Variants in DHX15 observed in about 807,000 individuals in gnomAD.
DHX15 encodes ATP-dependent RNA helicase DHX15.
DHX15 carries 11 observed loss-of-function variants against 94.4 expected under a neutral mutation model. That is an observed-to-expected ratio of 0.12 (90% CI 0.07 to 0.19). The LOEUF is 0.19. Ranked by LOEUF, DHX15 falls within the 10% of genes least tolerant of loss-of-function variation. The pLI, the probability that DHX15 is intolerant of heterozygous loss-of-function variation, is 1.00. For missense variants in DHX15, 304 were observed against 988.5 expected (o/e 0.31, Z 9.29); for synonymous variants, 338 against 329.9 (o/e 1.02, Z -0.27).
chr4:24,584,253 C>A, intron 1 of DHX15, 70 bp downstream of exon 1: 1 of 1,490,682 alleles, frequency 6.7e-7, no homozygotes, highest in East Asian at 2.5e-5. Context: ...GCCAGGCCAG[C>A]CCCGGCCCGC....
chr4:24,531,898 A>T (rs1721092463), intron 12 of DHX15, among the ~76,000 whole-genome samples: 1 of 152,238 alleles, frequency 6.6e-6, no homozygotes, highest in East Asian at 1.9e-4. Flanking sequence ...ACTTAGATTC[A>T]AATACAGACA....
chr4:24,578,815 C>T (rs2109012804), intron 1 of DHX15, among the ~76,000 whole-genome samples: 1 of 152,288 alleles, frequency 6.6e-6, no homozygotes, highest in East Asian at 1.9e-4. Flanking sequence ...TCTCTTGCTT[C>T]AGCCTCCCAA....
At chr4:24,547,893 G>GTATATATATA (rs1403248233) in intron 6 of DHX15, among the ~76,000 whole-genome samples, 2 of 66,734 alleles carry the variant, frequency 3.0e-5, no homozygotes, top group Non-Finnish European at 6.6e-5. Flanking sequence ...CTCTCTCTAT[G>GTATATATATA]TATGTATGTG....
chr4:24,564,188 C>T (rs946876899), intron 3 of DHX15, among the ~76,000 whole-genome samples: 1 of 151,902 alleles, frequency 6.6e-6, no homozygotes, highest in Non-Finnish European at 1.5e-5. Flanking sequence ...CATTAACACA[C>T]TTAATAAATA....
chr4:24,574,205 C>CAAAAAAGAAAAA (rs1722189442), intron 2 of DHX15, among the ~76,000 whole-genome samples: 2 of 68,876 alleles, frequency 2.9e-5, no homozygotes, highest in African/African-American at 5.5e-5. Context: ...GACTTTGTCT[C>CAAAAAAGAAAAA]AAAAAAAAAA....
intron 3 of DHX15, among the ~76,000 whole-genome samples, chr4:24,557,302 G>C (rs1484007730): frequency 6.6e-6 from 1 of 152,160 alleles, no homozygotes; most frequent in Non-Finnish European, 1.5e-5. Flanking sequence ...GCCTTTAGAT[G>C]CTTAAGTCAC....
intron 6 of DHX15, among the ~76,000 whole-genome samples, chr4:24,547,861 GTCTCTCTCTCTCTCTCTC>G (rs36229958): frequency 3.2e-5 from 4 of 126,550 alleles, no homozygotes; most frequent in African/African-American, 9.1e-5. Context: ...AGACATATAT[GTCTCTCTCTCTCTCTCTC>G]TCTCTCTCTC....
At chr4:24,541,786 A>G (rs1342529875) in intron 8 of DHX15, 87 bp downstream of exon 8, 1 of 1,343,356 alleles carries the variant, frequency 7.4e-7, no homozygotes, top group Non-Finnish European at 1.0e-6. Flanking sequence ...AAAAGGCAAG[A>G]TTAAGTAAAT....
chr4:24,573,300 GTCT>G (rs1423807569), intron 2 of DHX15, among the ~76,000 whole-genome samples: 1 of 152,104 alleles, frequency 6.6e-6, no homozygotes, highest in Non-Finnish European at 1.5e-5. Flanking sequence ...CGGTGTTCTA[GTCT>G]TCTTGTTTTA....
chr4:24,584,425 G>T lies in DHX15; in HGVS notation c.-32C>A, dbSNP rs1166573384. 6.2e-7 allele frequency: 1 copy of T among 1,602,962 alleles called. No individual in the cohort carries two copies. Among genetic ancestry groups the T allele is most frequent in the South Asian group, 1.1e-5 (1 of 89,244 alleles). On this transcript the variant is annotated 5_prime_UTR_variant, in exon 1 of 14. Coordinates refer to ENST00000336812, the MANE Select transcript of DHX15 (RefSeq NM_001358.3). ...ACTCTTCGAACGGGCAGTTATTAAGGAAGAAAGCTGGCTGCTGTATGGGCA... is the reference window on the plus strand; with the variant it reads ...ACTCTTCGAACGGGCAGTTATTAAGTAAGAAAGCTGGCTGCTGTATGGGCA...
intron 5 of DHX15, among the ~76,000 whole-genome samples, chr4:24,554,150 G>A (rs1371736350): frequency 3.3e-5 from 5 of 152,100 alleles, no homozygotes; most frequent in East Asian, 1.9e-4. Flanking sequence ...CCCAGAAGGC[G>A]GAGCTTGCGG....
chr4:24,554,995 G>T (rs1291677200), intron 4 of DHX15, 52 bp from the exon 5 acceptor site: 5 of 1,417,076 alleles, frequency 3.5e-6, no homozygotes, highest in Non-Finnish European at 9.9e-7. Flanking sequence ...TTCTTACATG[G>T]TCTTACAGTA....
chr4:24,549,591 T>C (rs1359505826), intron 5 of DHX15, among the ~76,000 whole-genome samples: 1 of 152,220 alleles, frequency 6.6e-6, no homozygotes, highest in Non-Finnish European at 1.5e-5. Context: ...CGTTGCTTAC[T>C]GACAGGAATA....
intron 3 of DHX15, among the ~76,000 whole-genome samples, chr4:24,569,269 G>A (rs1036114236): frequency 4.0e-4 from 61 of 152,240 alleles, no homozygotes; most frequent in African/African-American, 1.2e-3. Context: ...GTTAAAAGTC[G>A]ATGATAAACA....
At chr4:24,569,871 A>G (rs912919851) in intron 3 of DHX15, among the ~76,000 whole-genome samples, 8 of 152,248 alleles carry the variant, frequency 5.3e-5, no homozygotes, top group African/African-American at 1.9e-4. Flanking sequence ...CCTGGCCTCA[A>G]GCAATAATCC....
rs763709839 is a variant in DHX15 at position 24,537,201 on chromosome 4, C to T, written c.1787-28G>A. ...AAACAAGGTTGGTATGGGCCCAACA[C>T]AAACGCCCATATCGATGAGTCACGC... On this transcript the variant is annotated intron_variant, in intron 10 of 13. Transcript: ENST00000336812. The surrounding 1 kb of genome is among the most constrained non-coding windows in gnomAD (Gnocchi z 4.7). 1.2e-6 allele frequency: 2 copies of T among 1,612,860 alleles called. No individual in the cohort carries two copies. The highest frequency in any genetic ancestry group is 8.5e-7 in the Non-Finnish European group (1 of 1,179,410).
intron 6 of DHX15, among the ~76,000 whole-genome samples, chr4:24,547,903 GTATATATATATATATATA>G (rs869194543): frequency 4.2e-5 from 3 of 70,732 alleles, no homozygotes; most frequent in Admixed American, 1.4e-4. Context: ...GTATGTATGT[GTATATATATATATATATA>G]TATATATATA....
intron 10 of DHX15, chr4:24,538,556 T>C (rs780745560): frequency 2.0e-5 from 3 of 152,152 alleles, no homozygotes; most frequent in Non-Finnish European, 2.9e-5. Flanking sequence ...ACTATTTTAA[T>C]GTCAAACAAA....
chr4:24,554,109 T>C (rs942507244), intron 5 of DHX15, among the ~76,000 whole-genome samples: 1 of 152,084 alleles, frequency 6.6e-6, no homozygotes, highest in Non-Finnish European at 1.5e-5. Context: ...TCCCAGCTAC[T>C]TGGGAGGCTG....
Sources: gnomAD v4.1 joint callset for allele counts (sites outside exome capture counted in the v4.1 genomes callset) on GRCh38, gnomAD v4.1.1 for gene constraint, Gnocchi (gnomAD v3.1) non-coding constraint, MANE v1.5 for transcripts, NCBI Gene and HGNC (gene_info 2026-07-23, HGNC 2026-07-21) for gene names.